Variants in WDFY4 observed in about 807,000 individuals in gnomAD.
The protein encoded by WDFY4 is WD repeat- and FYVE domain-containing protein 4.
A neutral mutation model predicts 351.9 loss-of-function variants in WDFY4; 169 were observed. The observed-to-expected ratio is 0.48, with a 90% confidence interval of 0.42 to 0.55. WDFY4 has a LOEUF of 0.55. Ranked by LOEUF, WDFY4 falls within the 20% of genes least tolerant of loss-of-function variation. The pLI is 0.00. For missense variants in WDFY4, 3,803 were observed against 3,935.6 expected, an observed-to-expected ratio of 0.97 and a Z score of 0.90; for synonymous variants, 1,622 against 1,574.6, an observed-to-expected ratio of 1.03 and a Z score of -0.71.
chr10:48,808,043 G>T (rs2067318057), intron 28 of WDFY4, 85 bp downstream of exon 28: 9 of 1,126,504 alleles, frequency 8.0e-6, no homozygotes, highest in Non-Finnish European at 1.1e-5. Context: ...GAAAAGTTTA[G>T]CATCTCTGAG....
At chr10:48,818,348 A>G (rs1432845319) in intron 32 of WDFY4, among the ~76,000 whole-genome samples, 2 of 152,260 alleles carry the variant, frequency 1.3e-5, no homozygotes, top group African/African-American at 4.8e-5. Context: ...GCCCAAATGA[A>G]TGAGCAACAT....
At chr10:48,932,056 C>A (rs1307536027) in intron 47 of WDFY4, among the ~76,000 whole-genome samples, 1 of 152,194 alleles carries the variant, frequency 6.6e-6, no homozygotes, top group Non-Finnish European at 1.5e-5. Context: ...CCCTTCATTG[C>A]CAACCCAGGT....
At chr10:48,764,657 A>G (rs1402337898) in intron 13 of WDFY4, among the ~76,000 whole-genome samples, 1 of 152,116 alleles carries the variant, frequency 6.6e-6, no homozygotes, top group Non-Finnish European at 1.5e-5. Context: ...GGCACTCACA[A>G]TGCAGAGAGT....
intron 39 of WDFY4, among the ~76,000 whole-genome samples, chr10:48,856,677 T>C (rs960586795): frequency 3.3e-5 from 5 of 152,322 alleles, no homozygotes; most frequent in Admixed American, 1.3e-4. Flanking sequence ...CTCTGTTACG[T>C]TAAAATGTGT....
intron 11 of WDFY4, chr10:48,736,387 A>G (rs904159055): frequency 1.7e-6 from 1 of 578,798 alleles, no homozygotes; most frequent in Non-Finnish European, 3.1e-6. Context: ...AGGCATTTTC[A>G]TTCAGGCCTA....
rs139471863 is a variant in WDFY4 at position 48,887,646 on chromosome 10, G to A, written c.7168-2933G>A. On this transcript the variant is annotated intron_variant, in intron 43 of 61. Coordinates refer to ENST00000325239, the MANE Select transcript of WDFY4 (RefSeq NM_001394531.1). Reference sequence around the variant, plus strand: ...TACAAAAAATTAGCCGGGCGTGGTGGTGGGTGCCTGTAGTCCCAGCTGCTC... The same window carrying A: ...TACAAAAAATTAGCCGGGCGTGGTGATGGGTGCCTGTAGTCCCAGCTGCTC... Among the ~76,000 whole-genome samples the A allele has an allele frequency of 4.8e-3, 724 of 152,238 alleles. 12 individuals carry two copies. The highest frequency in any genetic ancestry group is 0.017 in the African/African-American group (698 of 41,528).
At chr10:48,762,704 C>T (rs541036902) in intron 13 of WDFY4, among the ~76,000 whole-genome samples, 83 of 152,316 alleles carry the variant, frequency 5.4e-4, no homozygotes, top group Middle Eastern at 3.4e-3. Context: ...TCAGTGGGAT[C>T]CTGGGGTCTC....
chr10:48,839,134 G>A (rs1391511863), intron 39 of WDFY4, among the ~76,000 whole-genome samples: 1 of 152,200 alleles, frequency 6.6e-6, no homozygotes, highest in East Asian at 1.9e-4. Flanking sequence ...AAAAGCTCAC[G>A]AGCCCAGAGA....
chr10:48,804,427 C>T (rs149366004), intron 25 of WDFY4, among the ~76,000 whole-genome samples: 2,426 of 152,132 alleles, frequency 0.016, 64 homozygotes, highest in African/African-American at 0.052. Context: ...CAAGGGCAGC[C>T]GGGACTTCTG....
At position 48,731,514 on chromosome 10, in the gene WDFY4, C is replaced by T. The variant is rs2064459656; in HGVS notation, c.1534C>T (p.Leu512=). The change falls in exon 9 of 62, where the codon CTG becomes TTG. Residue 512 remains leucine, a synonymous_variant. Coordinates refer to ENST00000325239, the MANE Select transcript of WDFY4 (RefSeq NM_001394531.1). ...DIFRDSGLLG[L]LLAQLRKQAK... The stretch of plus-strand genomic sequence containing the variant: ...CTTCCGGGACTCAGGGCTCCTGGGC[C>T]TGCTACTGGCACAGCTTCGGAAGCA... The T allele has an allele frequency of 1.3e-6, 2 of 1,551,510 alleles. No individual in the cohort carries two copies. The highest frequency in any genetic ancestry group is 1.7e-6 in the Non-Finnish European group (2 of 1,146,982).
At chr10:48,841,666 C>T (rs189692974) in intron 39 of WDFY4, among the ~76,000 whole-genome samples, 6 of 152,304 alleles carry the variant, frequency 3.9e-5, no homozygotes, top group East Asian at 3.9e-4. Flanking sequence ...AGAGCAGACA[C>T]GGAGCTTGTG....
chr10:48,914,081 A>G, intron 47 of WDFY4: 2 of 1,614,172 alleles, frequency 1.2e-6, no homozygotes, highest in Non-Finnish European at 1.7e-6. Context: ...TCCCATCAAA[A>G]GTGATTTTGA....
At chr10:48,690,765 C>T (rs894998529) in intron 1 of WDFY4, among the ~76,000 whole-genome samples, 9 of 152,208 alleles carry the variant, frequency 5.9e-5, no homozygotes, top group African/African-American at 2.2e-4. Context: ...CCAGTCGTCT[C>T]TCCATCCTCT....
intron 12 of WDFY4, among the ~76,000 whole-genome samples, chr10:48,748,007 G>C (rs2065065333): frequency 6.6e-6 from 1 of 152,194 alleles, no homozygotes; most frequent in African/African-American, 2.4e-5. Context: ...AGATTCCCAG[G>C]TCCTGATTTT....
At chr10:48,798,372 C>G (rs2066944049) in intron 24 of WDFY4, among the ~76,000 whole-genome samples, 1 of 151,422 alleles carries the variant, frequency 6.6e-6, no homozygotes, top group Non-Finnish European at 1.5e-5. Context: ...TCTCCTAAAA[C>G]AGACAAACGT....
intron 1 of WDFY4, among the ~76,000 whole-genome samples, chr10:48,693,275 G>A (rs762550208): frequency 1.1e-4 from 16 of 152,156 alleles, no homozygotes; most frequent in Admixed American, 7.2e-4. Context: ...TGGATGGGAG[G>A]TGGAGGGGAG....
intron 47 of WDFY4, among the ~76,000 whole-genome samples, chr10:48,925,741 T>A (rs1438560209): frequency 6.6e-6 from 1 of 151,854 alleles, no homozygotes; most frequent in Non-Finnish European, 1.5e-5. Flanking sequence ...GAAGCAGGGG[T>A]TGGAATCTTA....
chr10:48,879,198 G>A (rs1230859145), intron 43 of WDFY4, among the ~76,000 whole-genome samples: 2 of 152,210 alleles, frequency 1.3e-5, no homozygotes, highest in Non-Finnish European at 2.9e-5. Context: ...TAAAGGAGCA[G>A]CCGTTCTCAA....
chr10:48,897,101 C>T (rs908381292), intron 44 of WDFY4, among the ~76,000 whole-genome samples: 2 of 152,154 alleles, frequency 1.3e-5, no homozygotes, highest in Admixed American at 6.5e-5. Context: ...CCCACTCTCA[C>T]CCAGGGGCCT....
Sources: gnomAD v4.1 joint callset for allele counts (sites outside exome capture counted in the v4.1 genomes callset) on GRCh38, gnomAD v4.1.1 for gene constraint, MANE v1.5 for transcripts, NCBI Gene and HGNC (gene_info 2026-07-23, HGNC 2026-07-21) for gene names.